ZFPM2: variants seen among roughly 807,000 people sequenced by gnomAD.
ZFPM2 encodes the protein zinc finger protein ZFPM2.
Under a neutral mutation model 98.6 loss-of-function variants are expected in ZFPM2, and 20 were observed. The ratio of observed to expected loss-of-function variants is 0.20; its 90% CI spans 0.14 to 0.29. The LOEUF (loss-of-function observed/expected upper bound fraction) is 0.29. ZFPM2 is among the 10% of genes least tolerant of loss of function. ZFPM2 has a pLI of 1.00. For synonymous variants in ZFPM2, 518 were observed against 502.7 expected (o/e 1.03, Z -0.41); for missense variants, 1,310 against 1,388.6 (o/e 0.94, Z 0.90).
intron 1 of ZFPM2, among the ~76,000 whole-genome samples, chr8:105,365,370 T>C (rs1414247569): frequency 5.9e-5 from 9 of 152,264 alleles, no homozygotes; most frequent in East Asian, 1.9e-4. Flanking sequence ...TGGAACCAGA[T>C]AAAACTTCTT....
chr8:105,707,580 G>T (rs1247265355), intron 5 of ZFPM2, among the ~76,000 whole-genome samples: 2 of 152,156 alleles, frequency 1.3e-5, no homozygotes, highest in Non-Finnish European at 2.9e-5. Context: ...CCAATTCAGT[G>T]TATGGCCTTG....
chr8:105,554,378 T>C (rs34823616), intron 3 of ZFPM2, among the ~76,000 whole-genome samples: 11,162 of 152,164 alleles, frequency 0.073, 811 homozygotes, highest in African/African-American at 0.19. Context: ...AACCATAAAA[T>C]AGCAAGAGCT....
rs1232660307 is a variant in ZFPM2 at position 105,599,642 on chromosome 8, A to T, written c.421-34604A>T. 2.0e-5 allele frequency among the ~76,000 whole-genome samples: 3 copies of T among 152,036 alleles called. No individual in the cohort carries two copies. The South Asian group carries it at 6.2e-4, about 32-fold the overall frequency. ...TTATTGCGGCAATGGCAGGCCTTTC[A>T]TCTATGGCAACATTTAATCAGCACA... On this transcript the variant is annotated intron_variant, in intron 4 of 7. Transcript: ENST00000407775.
intron 1 of ZFPM2, among the ~76,000 whole-genome samples, chr8:105,322,025 A>G (rs1193061238): frequency 6.6e-6 from 1 of 151,906 alleles, no homozygotes; most frequent in Non-Finnish European, 1.5e-5. Flanking sequence ...TTCCAAGACT[A>G]TATTTTCTGC....
chr8:105,782,557 G>A (rs1224860726), intron 5 of ZFPM2: 2 of 152,150 alleles, frequency 1.3e-5, no homozygotes, highest in African/African-American at 4.8e-5. Flanking sequence ...GAAGCATATA[G>A]TTGTCCCTCA....
chr8:105,554,431 G>A (rs1325584372), intron 3 of ZFPM2, among the ~76,000 whole-genome samples: 2 of 152,098 alleles, frequency 1.3e-5, no homozygotes, highest in Non-Finnish European at 2.9e-5. Flanking sequence ...AAAATGTTTT[G>A]AGATTTTTAG....
At chr8:105,425,785 C>A (rs1334196683) in intron 2 of ZFPM2, among the ~76,000 whole-genome samples, 3 of 152,156 alleles carry the variant, frequency 2.0e-5, no homozygotes, top group African/African-American at 4.8e-5. Context: ...TGCCCCTGGT[C>A]CCTGAATGTT....
intron 4 of ZFPM2, among the ~76,000 whole-genome samples, chr8:105,614,602 T>C (rs1209810610): frequency 2.0e-5 from 3 of 152,132 alleles, no homozygotes; most frequent in African/African-American, 7.2e-5. Context: ...CAGCTAATCT[T>C]GAAGCTACAG....
chr8:105,597,376 A>G (rs1209741990), intron 4 of ZFPM2, among the ~76,000 whole-genome samples: 1 of 152,254 alleles, frequency 6.6e-6, no homozygotes, highest in African/African-American at 2.4e-5. Flanking sequence ...TGGAGATAAT[A>G]TGTTTCAAAT....
At chr8:105,749,540 T>A (rs1286563159) in intron 5 of ZFPM2, among the ~76,000 whole-genome samples, 21 of 152,064 alleles carry the variant, frequency 1.4e-4, no homozygotes, top group Admixed American at 1.4e-3. Flanking sequence ...GACACTTTCA[T>A]GGTATATCCT....
intron 1 of ZFPM2, among the ~76,000 whole-genome samples, chr8:105,388,381 AACAC>A (rs776844498): frequency 5.9e-5 from 9 of 152,128 alleles, no homozygotes; most frequent in Non-Finnish European, 1.3e-4. Context: ...AAAGAGGGAG[AACAC>A]ACAACATGGG....
chr8:105,515,802 C>T (rs16873291), intron 3 of ZFPM2, among the ~76,000 whole-genome samples: 60,296 of 151,730 alleles, frequency 0.4, 14,766 homozygotes, highest in African/African-American at 0.7. Flanking sequence ...GGGAGCTCTT[C>T]TCTCTAGGCA....
intron 3 of ZFPM2, among the ~76,000 whole-genome samples, chr8:105,467,809 C>T (rs1812822274): frequency 6.6e-6 from 1 of 151,842 alleles, no homozygotes; most frequent in Non-Finnish European, 1.5e-5. Context: ...ATATGCTACC[C>T]CTAGTCTCCA....
intron 3 of ZFPM2, among the ~76,000 whole-genome samples, chr8:105,485,417 G>A (rs1194592275): frequency 6.6e-6 from 1 of 152,108 alleles, no homozygotes; most frequent in African/African-American, 2.4e-5. Context: ...TTCTCTGGAG[G>A]CTGAGGGAGG....
Position 105,803,131 on chromosome 8 carries a change from G to A in ZFPM2, c.3049G>A (p.Gly1017Ser), listed in dbSNP as rs201106296. 377 of 1,613,912 alleles carry A rather than the reference G, an allele frequency of 2.3e-4. 1 individual carries two copies. Among genetic ancestry groups the A allele is most frequent in the Non-Finnish European group, 2.6e-4 (301 of 1,179,868 alleles). The change falls in exon 8 of 8, where the codon GGC (glycine) becomes AGC (serine). Residue 1017 changes from glycine (G) to serine (S), a missense_variant. Coordinates refer to ENST00000407775, the MANE Select transcript of ZFPM2 (RefSeq NM_012082.4). ...AAATGCAGAAAATGAATCTCCTAAA[G>A]GCCAGGCTTCCTCAAATGGGTGTGC... ...SRNAENESPK[G>S]QASSNGCAAL...
chr8:105,356,012 A>T (rs1812740194), intron 1 of ZFPM2, among the ~76,000 whole-genome samples: 2 of 152,190 alleles, frequency 1.3e-5, no homozygotes, highest in South Asian at 4.1e-4. Context: ...CCTGTAATCA[A>T]CACCTGGTTT....
intron 3 of ZFPM2, among the ~76,000 whole-genome samples, chr8:105,446,748 T>C (rs1329691190): frequency 3.9e-5 from 6 of 152,138 alleles, no homozygotes; most frequent in Non-Finnish European, 1.5e-5. Flanking sequence ...ACAAAAAAAT[T>C]TCTTCTTCGT....
At chr8:105,696,971 T>G (rs1018187615) in intron 5 of ZFPM2, among the ~76,000 whole-genome samples, 2 of 152,310 alleles carry the variant, frequency 1.3e-5, no homozygotes, top group African/African-American at 4.8e-5. Context: ...TATGAAAGTC[T>G]TATAATTCAA....
At chr8:105,403,426 C>G (rs1186903412) in intron 1 of ZFPM2, among the ~76,000 whole-genome samples, 1 of 151,984 alleles carries the variant, frequency 6.6e-6, no homozygotes, top group Non-Finnish European at 1.5e-5. Context: ...TCTGCATTAT[C>G]AAATGTAGAA....
Sources: allele counts gnomAD v4.1 joint callset (sites outside exome capture counted in the v4.1 genomes callset), GRCh38; gene constraint gnomAD v4.1.1; transcripts MANE v1.5; gene names NCBI Gene and HGNC (gene_info 2026-07-23, HGNC 2026-07-21).